Variants in TRAPPC8 observed in about 807,000 individuals in gnomAD.
TRAPPC8 encodes general sporulation gene 1 homolog.
A neutral mutation model predicts 174.3 loss-of-function variants in TRAPPC8; 54 were observed. That is an observed-to-expected ratio of 0.31 (90% CI 0.25 to 0.39). The LOEUF (loss-of-function observed/expected upper bound fraction) is 0.39. TRAPPC8 is among the 10% of genes least tolerant of loss of function. The probability of loss-of-function intolerance (pLI) is 1.00; values close to 1 mark genes in which losing one functional copy is unlikely to be tolerated. For missense variants in TRAPPC8, 1,531 were observed against 1,699.1 expected (o/e 0.90, Z 1.74); for synonymous variants, 630 against 579.9 (o/e 1.09, Z -1.24).
chr18:31,897,203 C>T (rs2145404756), intron 11 of TRAPPC8, among the ~76,000 whole-genome samples: 2 of 152,292 alleles, frequency 1.3e-5, no homozygotes, highest in East Asian at 3.9e-4. Flanking sequence ...TACTACCATT[C>T]TTTACAAGCC....
chr18:31,918,903 G>C (rs1370604336), intron 2 of TRAPPC8, among the ~76,000 whole-genome samples: 2 of 152,074 alleles, frequency 1.3e-5, no homozygotes, highest in Non-Finnish European at 2.9e-5. Flanking sequence ...TTACTAAAAG[G>C]ACTCCATTCC....
chr18:31,915,732 A>G (rs9748798), intron 4 of TRAPPC8, among the ~76,000 whole-genome samples: 3 of 151,528 alleles, frequency 2.0e-5, no homozygotes, highest in African/African-American at 7.3e-5. Flanking sequence ...AAAAAAATAC[A>G]AAAAATTAGC....
intron 10 of TRAPPC8, among the ~76,000 whole-genome samples, chr18:31,900,474 T>C (rs779410051): frequency 2.6e-5 from 4 of 152,196 alleles, no homozygotes; most frequent in Non-Finnish European, 5.9e-5. Flanking sequence ...TCAAGGTCTA[T>C]CCATCAAATA....
chr18:31,899,788 T>C (rs139223711), intron 10 of TRAPPC8, among the ~76,000 whole-genome samples: 97 of 151,626 alleles, frequency 6.4e-4, no homozygotes, highest in Non-Finnish European at 1.2e-3. Context: ...CTACTAAAAA[T>C]ACAAAAAATT....
At chr18:31,837,325 A>T (rs1237339521) in intron 27 of TRAPPC8, among the ~76,000 whole-genome samples, 1 of 23,024 alleles carries the variant, frequency 4.3e-5, no homozygotes, top group East Asian at 1.0e-3. Flanking sequence ...GTTACTATGT[A>T]AAAAAAAAAA....
At chr18:31,869,744 A>G (rs1032647734) in intron 16 of TRAPPC8, among the ~76,000 whole-genome samples, 2 of 152,224 alleles carry the variant, frequency 1.3e-5, no homozygotes, top group Non-Finnish European at 2.9e-5. Context: ...GTAAAAAGCA[A>G]CATACACAGT....
At chr18:31,853,807 G>A in intron 22 of TRAPPC8, 42 bp downstream of exon 22, 3 of 1,460,404 alleles carry the variant, frequency 2.1e-6, no homozygotes, top group Non-Finnish European at 1.9e-6. Flanking sequence ...ACCAAGTAAT[G>A]AAGTTTCAAA....
At chr18:31,914,942 A>G (rs2037067766) in intron 4 of TRAPPC8, among the ~76,000 whole-genome samples, 1 of 152,232 alleles carries the variant, frequency 6.6e-6, no homozygotes, top group African/African-American at 2.4e-5. Context: ...AAAAATATCA[A>G]GGCTATAAAT....
chr18:31,881,035 G>GA (rs1455752824), intron 12 of TRAPPC8, among the ~76,000 whole-genome samples: 5 of 151,814 alleles, frequency 3.3e-5, no homozygotes, highest in African/African-American at 1.2e-4. Flanking sequence ...CACAGATAAG[G>GA]AAAAATCAAT....
chr18:31,858,961 C>T (rs753369646), intron 19 of TRAPPC8, among the ~76,000 whole-genome samples: 5 of 152,002 alleles, frequency 3.3e-5, no homozygotes, highest in Admixed American at 6.6e-5. Flanking sequence ...AAAAATGAGC[C>T]GCACGCCTGT....
rs1385599136 is a variant in TRAPPC8 at position 31,922,979 on chromosome 18, T to C, written c.353-5312A>G. On this transcript the variant is annotated intron_variant, in intron 2 of 28. Coordinates refer to ENST00000283351, the MANE Select transcript of TRAPPC8 (RefSeq NM_014939.5). ...TTGCAGTAAGCCAAGAGAGAGCCAC[T>C]GAACTCCAGCATGGGTGACATAATG... Among the ~76,000 whole-genome samples the C allele has an allele frequency of 2.6e-5, 4 of 152,302 alleles. No homozygotes were observed. The East Asian group carries it at 5.8e-4, about 22-fold the overall frequency.
intron 5 of TRAPPC8, among the ~76,000 whole-genome samples, chr18:31,912,175 T>G (rs1212664228): frequency 6.6e-6 from 1 of 152,066 alleles, no homozygotes; most frequent in Non-Finnish European, 1.5e-5. Flanking sequence ...TTCCTGAAGG[T>G]GGCTATAAAA....
At chr18:31,854,339 C>T (rs2033878194) in intron 21 of TRAPPC8, among the ~76,000 whole-genome samples, 1 of 152,114 alleles carries the variant, frequency 6.6e-6, no homozygotes, top group Non-Finnish European at 1.5e-5. Context: ...AAACAAGCAA[C>T]AAAAACTCAC....
chr18:31,876,489 C>CAAGAAAAAAAAAAA (rs550806669), intron 12 of TRAPPC8, among the ~76,000 whole-genome samples: 3 of 48,722 alleles, frequency 6.2e-5, no homozygotes, highest in African/African-American at 2.8e-4. Flanking sequence ...GACTCCATCT[C>CAAGAAAAAAAAAAA]AAAAAAAAAA....
rs1378971803 is a variant in TRAPPC8, at chr18:31,854,922, C to T, written c.3336+738G>A. Among the ~76,000 whole-genome samples the T allele has an allele frequency of 6.4e-5, 9 of 140,498 alleles. 1 individual carries two copies. The highest frequency in any genetic ancestry group is 2.2e-4 in the Admixed American group (3 of 13,694). The allele number at this position is 140,498 out of a possible 152,430, so 92.2% of individuals were successfully genotyped here. A position where few individuals can be genotyped will look rare whatever the true frequency, so the allele number is the denominator to read the frequency against. On this transcript the variant is annotated intron_variant, in intron 21 of 28. Transcript: ENST00000283351. Reference sequence around the variant, plus strand: ...TGGAGCTTGCAGTGAGCAGAGATCGCGCCACTGCACTCCAGTCTGGGCGAC... The same window carrying T: ...TGGAGCTTGCAGTGAGCAGAGATCGTGCCACTGCACTCCAGTCTGGGCGAC...
At chr18:31,878,729 C>CTAG (rs1408763842) in intron 12 of TRAPPC8, among the ~76,000 whole-genome samples, 1 of 152,006 alleles carries the variant, frequency 6.6e-6, no homozygotes, top group African/African-American at 2.4e-5. Context: ...CTACAAGAGA[C>CTAG]CTATCTTCTG....
intron 10 of TRAPPC8, among the ~76,000 whole-genome samples, chr18:31,899,675 G>A (rs867690037): frequency 4.8e-4 from 73 of 152,322 alleles, no homozygotes; most frequent in African/African-American, 1.2e-3. Context: ...GGCCTGGCGC[G>A]GTGGCTCGCA....
In TRAPPC8 at chr18:31,938,876, T is replaced by C. The variant is rs112233014; in HGVS notation, c.157+3732A>G. ...GCGGGCAGATCATGAGGTCAAGAGA[T>C]AGAGACAATCCTGGCCAACATGGTG... On this transcript the variant is annotated intron_variant, in intron 1 of 28. Transcript: ENST00000283351. Among the ~76,000 whole-genome samples, 692 of 152,196 alleles carry C rather than the reference T, an allele frequency of 4.5e-3. 4 individuals carry two copies. Among genetic ancestry groups the C allele is most frequent in the Non-Finnish European group, 7.6e-3 (514 of 67,996 alleles).
chr18:31,934,049 A>T (rs1033181064), intron 1 of TRAPPC8, among the ~76,000 whole-genome samples: 3 of 152,032 alleles, frequency 2.0e-5, no homozygotes, highest in African/African-American at 7.2e-5. Flanking sequence ...TTAGCCAGGC[A>T]TGGTGGCAAG....
Sources: allele counts gnomAD v4.1 joint callset (sites outside exome capture counted in the v4.1 genomes callset), GRCh38; gene constraint gnomAD v4.1.1; transcripts MANE v1.5; gene names NCBI Gene and HGNC (gene_info 2026-07-23, HGNC 2026-07-21).